USP40: variants seen among roughly 807,000 people sequenced by gnomAD.
The protein encoded by USP40 is ubiquitin specific peptidase 40.
In USP40, 143 loss-of-function variants were observed where a neutral mutation model predicts 166.2. The observed-to-expected ratio is 0.86, with a 90% confidence interval of 0.75 to 0.99. The LOEUF (loss-of-function observed/expected upper bound fraction) is 0.99. Among genes scored for constraint, USP40 ranks in the 50% least tolerant of loss-of-function variants. The pLI, the probability that USP40 is intolerant of heterozygous loss-of-function variation, is 0.00. For missense variants in USP40, 1,444 were observed against 1,479.7 expected, an observed-to-expected ratio of 0.98 and a Z score of 0.40; for synonymous variants, 498 against 524.0, an observed-to-expected ratio of 0.95 and a Z score of 0.68.
chr2:233,555,516 A>C (rs942584458), intron 5 of USP40, among the ~76,000 whole-genome samples: 1 of 152,122 alleles, frequency 6.6e-6, no homozygotes, highest in African/African-American at 2.4e-5. Flanking sequence ...TTAATTTATA[A>C]TGGCCTTACA....
At chr2:233,562,898 T>A in intron 2 of USP40, 95 bp from the exon 3 acceptor site, 1 of 874,548 alleles carries the variant, frequency 1.1e-6, no homozygotes, top group Non-Finnish European at 1.7e-6. Context: ...TAAAATCAAG[T>A]AGATTCAGAA....
intron 10 of USP40, among the ~76,000 whole-genome samples, chr2:233,536,656 A>T (rs2068957751): frequency 6.6e-6 from 1 of 152,168 alleles, no homozygotes; most frequent in African/African-American, 2.4e-5. Context: ...GTCTCAAACA[A>T]AACAAAACAA....
intron 30 of USP40, among the ~76,000 whole-genome samples, chr2:233,483,619 G>A (rs1371533518): frequency 6.6e-6 from 1 of 152,196 alleles, no homozygotes; most frequent in Non-Finnish European, 1.5e-5. Flanking sequence ...TGTGAGCAGA[G>A]GTAAGTACAG....
intron 3 of USP40, chr2:233,560,843 A>AAGTG: frequency 1.8e-6 from 1 of 543,446 alleles, no homozygotes; most frequent in Non-Finnish European, 3.3e-6. Flanking sequence ...GTTGCAAAAA[A>AAGTG]AGTGCTTTAA....
chr2:233,498,885 T>C (rs2125103648), intron 22 of USP40, among the ~76,000 whole-genome samples: 1 of 152,358 alleles, frequency 6.6e-6, no homozygotes, highest in East Asian at 1.9e-4. Context: ...TTCCGTCATC[T>C]ATACCACAAA....
chr2:233,477,522 T>C lies in USP40; in HGVS notation c.3600-19A>G, dbSNP rs754611142. 72 of 1,604,396 alleles carry C rather than the reference T, an allele frequency of 4.5e-5. No individual in the cohort carries two copies. Among genetic ancestry groups the C allele is most frequent in the Non-Finnish European group, 6.1e-5 (71 of 1,173,192 alleles). Reference sequence around the variant, plus strand: ...TTCTTGGCTGCAGAGACACAGACACTGTCATTGACTCATGGATGCAGTGGG... The same window carrying C: ...TTCTTGGCTGCAGAGACACAGACACCGTCATTGACTCATGGATGCAGTGGG... On this transcript the variant is annotated intron_variant, in intron 31 of 31. Coordinates refer to ENST00000678225, the MANE Select transcript of USP40 (RefSeq NM_001365479.2).
chr2:233,488,899 CCTGT>C (rs752405139), intron 27 of USP40, among the ~76,000 whole-genome samples: 5 of 151,590 alleles, frequency 3.3e-5, no homozygotes, highest in South Asian at 2.1e-4. Flanking sequence ...AGAGCCAGAC[CCTGT>C]CTATTAAGAA....
rs750592498 is a variant in USP40 at position 233,524,522 on chromosome 2, C to A, written c.1851G>T (p.Gly617=). 1.2e-6 allele frequency: 2 copies of A among 1,606,760 alleles called. No homozygotes were observed. Among genetic ancestry groups the A allele is most frequent in the East Asian group, 4.5e-5 (2 of 44,368 alleles). ...CCCCATTCCACACAAAGATGTCTTC[C>A]CCATCAGCAATTTCAGTTTCACACA... The part of the protein sequence containing the change: ...LTLCETEIAD[G]EDIFVWNGVE... Residue 617 remains glycine, a synonymous_variant, in exon 15 of 32, where the codon GGG becomes GGT. Transcript: ENST00000678225.
intron 10 of USP40, among the ~76,000 whole-genome samples, chr2:233,538,388 A>G (rs1320956349): frequency 2.6e-5 from 4 of 152,182 alleles, no homozygotes; most frequent in Non-Finnish European, 5.9e-5. Context: ...AAATCAACAC[A>G]GGCAAAGTCG....
chr2:233,540,557 T>C (rs1028094758), intron 10 of USP40, 105 bp downstream of exon 10: 2 of 662,794 alleles, frequency 3.0e-6, no homozygotes, highest in Non-Finnish European at 5.2e-6. Context: ...ACGGTGATTT[T>C]ATTTTCACCT....
Position 233,525,750 on chromosome 2 carries a change from C to T in USP40, c.1726-188G>A, listed in dbSNP as rs143241786. Among the ~76,000 whole-genome samples, 29 of 152,298 alleles carry T rather than the reference C, an allele frequency of 1.9e-4. 1 individual carries two copies. The highest frequency in any genetic ancestry group is 3.4e-4 in the Non-Finnish European group (23 of 68,014). On this transcript the variant is annotated intron_variant, in intron 13 of 31. Transcript: ENST00000678225. ...TTGTTAAATTAGTCAAAGCCAAAGA[C>T]GGCTAATCTCCTCCATTCCTGAGTG...
intron 30 of USP40, among the ~76,000 whole-genome samples, chr2:233,484,203 T>C (rs1163416182): frequency 6.6e-6 from 1 of 152,216 alleles, no homozygotes; most frequent in Non-Finnish European, 1.5e-5. Flanking sequence ...CCCTTTGCTC[T>C]AGTGTACGAA....
intron 4 of USP40, among the ~76,000 whole-genome samples, chr2:233,558,871 GA>G (rs2071331500): frequency 6.6e-6 from 1 of 151,986 alleles, no homozygotes; most frequent in South Asian, 2.1e-4. Context: ...CTTGTTTAGG[GA>G]ATGTATTATA....
chr2:233,565,169 T>A (rs1238503459), intron 2 of USP40, among the ~76,000 whole-genome samples, 187 bp downstream of exon 2: 1 of 152,254 alleles, frequency 6.6e-6, no homozygotes, highest in African/African-American at 2.4e-5. Flanking sequence ...ACCCAGGATA[T>A]ATTTAAGATT....
intron 19 of USP40, 190 bp from the exon 20 acceptor site, chr2:233,511,987 T>C: frequency 8.1e-6 from 4 of 496,542 alleles, no homozygotes; most frequent in East Asian, 3.4e-5. Context: ...TCTTAAGATA[T>C]TGTCTTCCTG....
At chr2:233,535,695 T>C (rs951689794) in intron 10 of USP40, among the ~76,000 whole-genome samples, 1 of 152,018 alleles carries the variant, frequency 6.6e-6, no homozygotes, top group Non-Finnish European at 1.5e-5. Flanking sequence ...AATAACATAA[T>C]CTAGACTCTC....
chr2:233,499,159 AC>A (rs1229295228), intron 22 of USP40, among the ~76,000 whole-genome samples: 4 of 46,950 alleles, frequency 8.5e-5, no homozygotes, highest in Non-Finnish European at 1.4e-4. Context: ...CCCCACTCCC[AC>A]CCCCCCATAC....
At chr2:233,563,792 T>C (rs768455282) in intron 2 of USP40, among the ~76,000 whole-genome samples, 8 of 152,144 alleles carry the variant, frequency 5.3e-5, no homozygotes, top group South Asian at 2.1e-4. Context: ...GCAGTGCACA[T>C]TGTGCACTAA....
intron 4 of USP40, among the ~76,000 whole-genome samples, chr2:233,558,785 GT>G (rs1236015608): frequency 2.0e-5 from 3 of 152,010 alleles, no homozygotes; most frequent in South Asian, 4.2e-4. Flanking sequence ...TCAATACAGT[GT>G]TTTTTTTGTT....
Sources: allele counts gnomAD v4.1 joint callset (sites outside exome capture counted in the v4.1 genomes callset), GRCh38; gene constraint gnomAD v4.1.1; transcripts MANE v1.5; gene names NCBI Gene and HGNC (gene_info 2026-07-23, HGNC 2026-07-21).